The following PRMT8 variants were observed in gnomAD, a reference collection of about 807,000 sequenced individuals.
PRMT8 encodes the protein protein arginine N-methyltransferase 8.
PRMT8 carries 7 observed loss-of-function variants against 47.1 expected under a neutral mutation model. The observed-to-expected ratio is 0.15, with a 90% confidence interval of 0.08 to 0.28. The LOEUF is 0.28. PRMT8 is among the 10% of genes least tolerant of loss of function. The pLI, the probability that PRMT8 is intolerant of heterozygous loss-of-function variation, is 1.00. For synonymous variants in PRMT8, 188 were observed against 186.5 expected (o/e 1.01, Z -0.07); for missense variants, 237 against 505.4 (o/e 0.47, Z 5.09).
At chr12:3,495,837 G>A (rs1865496017) in intron 1 of PRMT8, among the ~76,000 whole-genome samples, 1 of 152,148 alleles carries the variant, frequency 6.6e-6, no homozygotes, top group South Asian at 2.1e-4. Flanking sequence ...GCTGTACTTA[G>A]TTGCTGTGAA....
chr12:3,461,103 C>T (rs1417504325), intron 1 of PRMT8, among the ~76,000 whole-genome samples: 9 of 152,174 alleles, frequency 5.9e-5, no homozygotes, highest in Admixed American at 5.9e-4. Flanking sequence ...ATTTATTCAT[C>T]CAACAAGCAT....
At chr12:3,401,394 A>T (rs1201402149) in intron 1 of PRMT8, among the ~76,000 whole-genome samples, 2 of 152,140 alleles carry the variant, frequency 1.3e-5, no homozygotes, top group Admixed American at 1.3e-4. Flanking sequence ...AGCTGGAAGC[A>T]TTCCACTTGA....
chr12:3,540,562 C>G, intron 1 of PRMT8, 44 bp from the exon 2 acceptor site: 4 of 1,341,712 alleles, frequency 3.0e-6, no homozygotes, highest in Non-Finnish European at 4.2e-6. Context: ...AGGGCGGGAC[C>G]CCGTTGTCTC....
At chr12:3,423,371 C>T (rs1220652122) in intron 1 of PRMT8, among the ~76,000 whole-genome samples, 1 of 152,202 alleles carries the variant, frequency 6.6e-6, no homozygotes, top group African/African-American at 2.4e-5. Flanking sequence ...ATTTCTAAGA[C>T]AGCTTGTAAC....
In PRMT8 at chr12:3,470,859, G is replaced by A. The variant is rs562903807; in HGVS notation, c.49-69747G>A. On this transcript the variant is annotated intron_variant, in intron 1 of 9. Transcript: ENST00000452611. ...ACTTGCTGCAAGCTCTGGGACACAG[G>A]GCCTGCTTTGTAAAGTAAGTATTTT... Among the ~76,000 whole-genome samples the A allele has an allele frequency of 2.0e-5, 3 of 152,270 alleles. No homozygotes were observed. In the South Asian group the frequency reaches 6.2e-4, roughly 32 times the overall value.
rs1442756884 is a variant in PRMT8, at chr12:3,417,552, A to G, written c.48+36110A>G. On this transcript the variant is annotated intron_variant, in intron 1 of 9. Transcript: ENST00000452611. ...ATATAAATGTTTGGGGAGGGTGAGA[A>G]AGAGGAGCTGGGTAGGGCAGGAGGA... 2.0e-5 allele frequency among the ~76,000 whole-genome samples: 3 copies of G among 152,172 alleles called. No individual in the cohort carries two copies. The East Asian group carries it at 5.8e-4, about 29-fold the overall frequency.
At chr12:3,470,483 T>G (rs1865148889) in intron 1 of PRMT8, among the ~76,000 whole-genome samples, 1 of 152,120 alleles carries the variant, frequency 6.6e-6, no homozygotes, top group African/African-American at 2.4e-5. Flanking sequence ...CTGTCTACCA[T>G]GTTTTTCTCA....
intron 4 of PRMT8, among the ~76,000 whole-genome samples, chr12:3,567,775 G>C (rs907183895): frequency 1.3e-5 from 2 of 152,166 alleles, no homozygotes; most frequent in Admixed American, 6.5e-5. Context: ...TGATAACTTG[G>C]TCAATTAACA....
chr12:3,450,903 C>G (rs1364224503), intron 1 of PRMT8, among the ~76,000 whole-genome samples: 3 of 152,166 alleles, frequency 2.0e-5, no homozygotes, highest in Non-Finnish European at 4.4e-5. Flanking sequence ...AACACAAGTA[C>G]TGCCTAGATT....
intron 1 of PRMT8, among the ~76,000 whole-genome samples, chr12:3,465,390 C>T (rs192600664): frequency 7.3e-5 from 11 of 151,544 alleles, no homozygotes; most frequent in Admixed American, 2.0e-4. Context: ...ACACTGAAGG[C>T]GGGTTTCCCA....
At chr12:3,509,313 G>A (rs764610810) in intron 1 of PRMT8, among the ~76,000 whole-genome samples, 4 of 152,006 alleles carry the variant, frequency 2.6e-5, no homozygotes, top group South Asian at 2.1e-4. Context: ...TCCTCGACTC[G>A]TTGCTCCTAC....
chr12:3,553,455 C>T, intron 3 of PRMT8, 196 bp from the exon 4 acceptor site: 1 of 611,140 alleles, frequency 1.6e-6, no homozygotes, highest in Non-Finnish European at 2.9e-6. Flanking sequence ...GCAAAGGCAG[C>T]CCAATTTCGT....
intron 1 of PRMT8, among the ~76,000 whole-genome samples, chr12:3,448,729 AATTTT>A (rs539739163): frequency 6.2e-4 from 95 of 152,256 alleles, no homozygotes; most frequent in Non-Finnish European, 1.1e-3. Context: ...TCTTTTTAAA[AATTTT>A]ATTTTATTTT....
chr12:3,591,472 A>G (rs1246946860), intron 8 of PRMT8, among the ~76,000 whole-genome samples: 1 of 142,340 alleles, frequency 7.0e-6, no homozygotes, highest in Admixed American at 7.5e-5. Context: ...GCTAGAGTGC[A>G]GTGGTATAGT....
rs561014275 is a variant in PRMT8 at position 3,461,677 on chromosome 12, G to C, written c.49-78929G>C. ...CTCAGAGCAGGAAGTCCTCTCAAGA[G>C]GAGTCCAAGCTTCAGACAGAGAAGC... On this transcript the variant is annotated intron_variant, in intron 1 of 9. Coordinates refer to the PRMT8 transcript ENST00000452611. Among the ~76,000 whole-genome samples, 11 of 150,744 alleles carry C rather than the reference G, an allele frequency of 7.3e-5. 2 individuals carry two copies. In the South Asian group the frequency reaches 2.1e-3, roughly 28 times the overall value.
intron 1 of PRMT8, among the ~76,000 whole-genome samples, chr12:3,524,988 C>T (rs549981464): frequency 3.3e-5 from 5 of 152,168 alleles, no homozygotes; most frequent in African/African-American, 7.2e-5. Context: ...TTTGGGAGAC[C>T]GAGGCGGGTG....
Position 3,433,356 on chromosome 12 carries a change from G to T in PRMT8, c.48+51914G>T, listed in dbSNP as rs149345861. On this transcript the variant is annotated intron_variant, in intron 1 of 9. Coordinates refer to the PRMT8 transcript ENST00000452611. ...TGGAGAAGTAATGATAACAATGTCAGCTAGGGTTTTTCTTTTTTGAGCACT... is the reference window on the plus strand; with the variant it reads ...TGGAGAAGTAATGATAACAATGTCATCTAGGGTTTTTCTTTTTTGAGCACT... Among the ~76,000 whole-genome samples the T allele has an allele frequency of 3.9e-4, 59 of 152,298 alleles. 1 individual carries two copies. In the East Asian group the frequency reaches 0.011, roughly 28 times the overall value.
At position 3,593,437 on chromosome 12, in the gene PRMT8, T is replaced by C; in HGVS notation, c.*255T>C. On this transcript the variant is annotated 3_prime_UTR_variant, in exon 10 of 10. Transcript: ENST00000382622. The surrounding 1 kb of genome is among the most constrained non-coding windows in gnomAD (Gnocchi z 4.8). ...CAACAAAGAGCGACCTGGCGTGCTG[T>C]GGCTGGGCCCCGAGGGTGGAAACGT... 1 of 485,418 alleles carries C rather than the reference T, an allele frequency of 2.1e-6. No individual in the cohort carries two copies. The highest frequency in any genetic ancestry group is 3.6e-6 in the Non-Finnish European group (1 of 274,396). The allele number at this position is 485,418 out of a possible 1,614,324, so 30.1% of individuals were successfully genotyped here.
intron 1 of PRMT8, among the ~76,000 whole-genome samples, chr12:3,483,192 G>A (rs560224212): frequency 1.3e-4 from 20 of 152,314 alleles, no homozygotes; most frequent in Admixed American, 5.9e-4. Context: ...CACCCGGTCC[G>A]CAGTGGGTAC....
Sources: gnomAD v4.1 joint callset for allele counts (sites outside exome capture counted in the v4.1 genomes callset) on GRCh38, gnomAD v4.1.1 for gene constraint, Gnocchi (gnomAD v3.1) non-coding constraint, MANE v1.5 for transcripts, NCBI Gene and HGNC (gene_info 2026-07-23, HGNC 2026-07-21) for gene names.